Variants in MARCHF3 observed in about 807,000 individuals in gnomAD.
The protein encoded by MARCHF3 is E3 ubiquitin-protein ligase MARCHF3.
In MARCHF3, 13 loss-of-function variants were observed where a neutral mutation model predicts 24.2. The observed-to-expected ratio is 0.54, with a 90% CI of 0.35 to 0.85. The LOEUF is 0.85. Among genes scored for constraint, MARCHF3 ranks in the 40% least tolerant of loss-of-function variants. The pLI is 0.01. For synonymous variants in MARCHF3, 144 were observed against 137.3 expected (o/e 1.05, Z -0.34); for missense variants, 276 against 325.0 (o/e 0.85, Z 1.16).
intron 1 of MARCHF3, among the ~76,000 whole-genome samples, chr5:127,026,929 T>C (rs940939011): frequency 2.0e-5 from 3 of 152,258 alleles, no homozygotes; most frequent in African/African-American, 7.2e-5. Flanking sequence ...GTTATCAGGA[T>C]ACTTCTCACC....
At chr5:126,890,045 G>C (rs73335461) in intron 3 of MARCHF3, among the ~76,000 whole-genome samples, 13,960 of 152,054 alleles carry the variant, frequency 0.092, 1,423 homozygotes, top group African/African-American at 0.25. Flanking sequence ...TTCTGTGCAG[G>C]CATCTGTGTT....
intron 1 of MARCHF3, among the ~76,000 whole-genome samples, chr5:126,945,191 T>C (rs567154685): frequency 6.6e-6 from 1 of 152,310 alleles, no homozygotes; most frequent in African/African-American, 2.4e-5. Flanking sequence ...TGAAGCCATA[T>C]TGATGGCTTG....
rs767145987 is a variant in MARCHF3, at chr5:126,918,085, A to G, written c.87T>C (p.Asp29=). ...SAAPVVKTVE[D]CGSLVNGQPQ... Reference sequence around the variant, plus strand: ...GCTGCCCATTCACTAGGCTGCCACAATCCTCCACCGTCTTCACCACGGGTG... The same window carrying G: ...GCTGCCCATTCACTAGGCTGCCACAGTCCTCCACCGTCTTCACCACGGGTG... The change falls in exon 2 of 5, where the codon GAT becomes GAC. Residue 29 remains aspartate, a synonymous_variant. Coordinates refer to ENST00000308660, the MANE Select transcript of MARCHF3 (RefSeq NM_178450.5). 6 of 1,614,052 alleles carry G rather than the reference A, an allele frequency of 3.7e-6. No individual in the cohort carries two copies. Among genetic ancestry groups the G allele is most frequent in the Non-Finnish European group, 3.4e-6 (4 of 1,180,046 alleles).
rs112284753 is a variant in MARCHF3 at position 126,918,382 on chromosome 5, G to GCACACACACACACACA, written c.-56-171_-56-156dup. Among the ~76,000 whole-genome samples, 77 of 149,530 alleles carry GCACACACACACACACA rather than the reference G, an allele frequency of 5.1e-4. No homozygotes were observed. The South Asian group carries it at 5.3e-3, about 10-fold the overall frequency. ...TATCTTGTTACTGTTTAATACAAGT[G>GCACACACACACACACA]CACACACACACACACACACAGAGCC... On this transcript the variant is annotated intron_variant, in intron 1 of 4. Coordinates refer to ENST00000308660, the MANE Select transcript of MARCHF3 (RefSeq NM_178450.5).
rs555874227 is a variant in MARCHF3 at position 126,989,313 on chromosome 5, C to G, written c.-57+41037G>C. 3.5e-5 allele frequency among the ~76,000 whole-genome samples: 5 copies of G among 142,690 alleles called. No homozygotes were observed. In the South Asian group the frequency reaches 6.4e-4, roughly 18 times the overall value. 93.6% of individuals were successfully genotyped at this position (142,690 alleles called of 152,430 possible). The stretch of plus-strand genomic sequence containing the variant: ...ACTACTACTACTACTACTAGTACTA[C>G]TACTACTACTACTACTACTACTACT... On this transcript the variant is annotated intron_variant, in intron 1 of 4. Transcript: ENST00000308660.
At chr5:127,011,298 G>C (rs1752462874) in intron 1 of MARCHF3, among the ~76,000 whole-genome samples, 1 of 152,150 alleles carries the variant, frequency 6.6e-6, no homozygotes, top group African/African-American at 2.4e-5. Context: ...GAATGAATAA[G>C]GCTCCGATGA....
intron 1 of MARCHF3, among the ~76,000 whole-genome samples, chr5:126,947,007 A>G (rs1397161452): frequency 6.6e-6 from 1 of 152,234 alleles, no homozygotes; most frequent in African/African-American, 2.4e-5. Flanking sequence ...TCTTTTCAAC[A>G]TATGTCAAAA....
intron 1 of MARCHF3, among the ~76,000 whole-genome samples, chr5:127,025,321 A>G (rs1752959107): frequency 6.7e-6 from 1 of 149,636 alleles, no homozygotes; most frequent in Non-Finnish European, 1.5e-5. Flanking sequence ...AAAAAAAAAA[A>G]AAAAGAAAGA....
chr5:127,002,564 T>C (rs1442134568), intron 1 of MARCHF3, among the ~76,000 whole-genome samples: 1 of 152,166 alleles, frequency 6.6e-6, no homozygotes, highest in South Asian at 2.1e-4. Flanking sequence ...GTTACCATGG[T>C]TACTTAGGGT....
chr5:126,912,009 G>A (rs924320991), intron 3 of MARCHF3, among the ~76,000 whole-genome samples: 1 of 152,178 alleles, frequency 6.6e-6, no homozygotes, highest in African/African-American at 2.4e-5. Flanking sequence ...CACACAGATG[G>A]CCAGTGGCTA....
At chr5:126,886,945 T>C (rs1753528216) in intron 3 of MARCHF3, among the ~76,000 whole-genome samples, 1 of 152,214 alleles carries the variant, frequency 6.6e-6, no homozygotes, top group Non-Finnish European at 1.5e-5. Context: ...GAATACATCT[T>C]GAGTATGTTT....
At chr5:126,890,046 C>G (rs182412532) in intron 3 of MARCHF3, among the ~76,000 whole-genome samples, 19 of 152,262 alleles carry the variant, frequency 1.2e-4, no homozygotes, top group Admixed American at 6.5e-4. Flanking sequence ...TCTGTGCAGG[C>G]ATCTGTGTTA....
At chr5:126,908,842 A>G (rs1302166867) in intron 3 of MARCHF3, among the ~76,000 whole-genome samples, 1 of 152,020 alleles carries the variant, frequency 6.6e-6, no homozygotes, top group Non-Finnish European at 1.5e-5. Flanking sequence ...TTCTCCATCC[A>G]GCTTTGTTCT....
intron 1 of MARCHF3, among the ~76,000 whole-genome samples, chr5:126,957,918 T>C (rs1750502075): frequency 1.3e-5 from 2 of 152,176 alleles, no homozygotes; most frequent in Non-Finnish European, 2.9e-5. Flanking sequence ...GAACATAGTA[T>C]TTATTCAAAT....
At chr5:126,932,044 A>C (rs1749494995) in intron 1 of MARCHF3, among the ~76,000 whole-genome samples, 1 of 152,274 alleles carries the variant, frequency 6.6e-6, no homozygotes, top group Non-Finnish European at 1.5e-5. Context: ...TAAAGTGCCT[A>C]GCACAAAGCT....
At chr5:127,004,867 C>A (rs1213554421) in intron 1 of MARCHF3, among the ~76,000 whole-genome samples, 7 of 152,012 alleles carry the variant, frequency 4.6e-5, no homozygotes, top group Admixed American at 4.6e-4. Flanking sequence ...AACTGAGACC[C>A]AATTCACTAC....
intron 3 of MARCHF3, among the ~76,000 whole-genome samples, chr5:126,881,481 CAG>C (rs1282524852): frequency 3.3e-5 from 5 of 152,102 alleles, no homozygotes; most frequent in African/African-American, 9.7e-5. Context: ...AAGTTTATAA[CAG>C]AGAAAATTTG....
chr5:126,989,500 C>A (rs150710110), intron 1 of MARCHF3, among the ~76,000 whole-genome samples: 2 of 151,996 alleles, frequency 1.3e-5, no homozygotes, highest in African/African-American at 4.8e-5. Flanking sequence ...GTTTCCCCTC[C>A]CCCTCCCCAG....
chr5:126,938,067 C>A (rs888418802), intron 1 of MARCHF3, among the ~76,000 whole-genome samples: 7 of 152,026 alleles, frequency 4.6e-5, no homozygotes, highest in African/African-American at 1.7e-4. Flanking sequence ...GTTGCAGCAG[C>A]TATCACTGAC....
Sources: allele counts gnomAD v4.1 joint callset (sites outside exome capture counted in the v4.1 genomes callset), GRCh38; gene constraint gnomAD v4.1.1; transcripts MANE v1.5; gene names NCBI Gene and HGNC (gene_info 2026-07-23, HGNC 2026-07-21).